Variants in LARP1B observed in about 807,000 individuals in gnomAD.
LARP1B encodes la-related protein 1B.
A neutral mutation model predicts 114.2 loss-of-function variants in LARP1B; 76 were observed. That is an observed-to-expected ratio of 0.67 (90% CI 0.55 to 0.81). The LOEUF is 0.81. LARP1B is among the 30% of genes least tolerant of loss of function. LARP1B has a pLI of 0.00. For synonymous variants in LARP1B, 345 were observed against 348.0 expected, an observed-to-expected ratio of 0.99 and a Z score of 0.10; for missense variants, 1,014 against 1,075.8, an observed-to-expected ratio of 0.94 and a Z score of 0.80.
intron 1 of LARP1B, among the ~76,000 whole-genome samples, chr4:128,067,710 C>CTTTTTTTT (rs66709998): frequency 6.9e-6 from 1 of 145,110 alleles, no homozygotes; most frequent in Non-Finnish European, 1.5e-5. Context: ...TGGATACCTC[C>CTTTTTTTT]TTTTTTTTTT....
intron 11 of LARP1B, chr4:128,155,570 C>G (rs1314059881): frequency 8.4e-6 from 7 of 828,578 alleles, no homozygotes; most frequent in African/African-American, 3.3e-5. Flanking sequence ...TTTCTGGGGC[C>G]CAGCAGTTGC....
chr4:128,130,283 A>C (rs1280570793), intron 11 of LARP1B, among the ~76,000 whole-genome samples: 1 of 152,214 alleles, frequency 6.6e-6, no homozygotes, highest in Non-Finnish European at 1.5e-5. Flanking sequence ...AAATATACAA[A>C]GAACTATTAA....
intron 8 of LARP1B, among the ~76,000 whole-genome samples, chr4:128,099,997 C>T (rs1779707150): frequency 6.6e-6 from 1 of 151,410 alleles, no homozygotes; most frequent in Non-Finnish European, 1.5e-5. Flanking sequence ...TCTTGTTGCC[C>T]AGGCTGGAGT....
chr4:128,147,415 A>T (rs566485110), intron 11 of LARP1B, among the ~76,000 whole-genome samples: 1 of 152,320 alleles, frequency 6.6e-6, no homozygotes, highest in Admixed American at 6.5e-5. Context: ...TGCCTTGATT[A>T]TTAGGCAATA....
Position 128,110,676 on chromosome 4 carries a change from CAAA to C in LARP1B, c.988+3378_988+3380del, listed in dbSNP as rs544129662. Reference sequence around the variant, plus strand: ...TGGGCGACAGAGCGAGACTCCGTCTCAAAAAAAAAAAAAAAAAGATGCAGCAGA... The same window carrying C: ...TGGGCGACAGAGCGAGACTCCGTCTCAAAAAAAAAAAAAAGATGCAGCAGA... On this transcript the variant is annotated intron_variant, in intron 9 of 19. Transcript: ENST00000326639. Among the ~76,000 whole-genome samples the C allele has an allele frequency of 2.7e-3, 88 of 32,430 alleles. 11 individuals are homozygous for C. The highest frequency in any genetic ancestry group is 4.4e-3 in the South Asian group (2 of 456). 21.3% of individuals were successfully genotyped at this position (32,430 alleles called of 152,430 possible). A position where few individuals can be genotyped will look rare whatever the true frequency, so the allele number is the denominator to read the frequency against.
chr4:128,142,593 C>T (rs1364525321), intron 11 of LARP1B, among the ~76,000 whole-genome samples: 7 of 151,572 alleles, frequency 4.6e-5, no homozygotes, highest in Non-Finnish European at 7.4e-5. Flanking sequence ...ACTGCAGCCT[C>T]TGCCTCCCGG....
chr4:128,096,728 G>A (rs988788894), intron 7 of LARP1B, among the ~76,000 whole-genome samples: 1 of 151,744 alleles, frequency 6.6e-6, no homozygotes, highest in African/African-American at 2.4e-5. Flanking sequence ...AACCTCCCGA[G>A]TAGCTGGGAC....
intron 1 of LARP1B, chr4:128,069,162 T>G: frequency 9.1e-7 from 1 of 1,101,712 alleles, no homozygotes; most frequent in Admixed American, 1.7e-5. Context: ...CCTATGCTTG[T>G]GGACTGGTTT....
At chr4:128,158,227 C>CCTTTCGT (rs1330290991) in intron 11 of LARP1B, among the ~76,000 whole-genome samples, 2 of 152,046 alleles carry the variant, frequency 1.3e-5, no homozygotes, top group African/African-American at 2.4e-5. Context: ...GTAACACACA[C>CCTTTCGT]CTTTCGTATA....
chr4:128,065,262 T>TTTCTTTCC (rs1762045735), intron 1 of LARP1B, among the ~76,000 whole-genome samples: 1 of 68,992 alleles, frequency 1.4e-5, no homozygotes, highest in African/African-American at 4.6e-5. Context: ...AATTTCTTTC[T>TTTCTTTCC]TTCTTTCTTT....
intron 7 of LARP1B, among the ~76,000 whole-genome samples, chr4:128,094,926 T>C (rs763040834): frequency 5.9e-5 from 9 of 152,004 alleles, no homozygotes; most frequent in Non-Finnish European, 1.0e-4. Context: ...TAATTTTGTA[T>C]TTTTAGTAAA....
At chr4:128,181,398 C>G (rs7693135) in intron 15 of LARP1B, among the ~76,000 whole-genome samples, 97,615 of 151,724 alleles carry the variant, frequency 0.64, 31,734 homozygotes, top group Middle Eastern at 0.81. Flanking sequence ...GGCTGGTCTC[C>G]AACTGCTGAC....
At chr4:128,156,376 A>T (rs564206962) in intron 11 of LARP1B, among the ~76,000 whole-genome samples, 4 of 152,196 alleles carry the variant, frequency 2.6e-5, no homozygotes, top group Admixed American at 1.3e-4. Context: ...GCTTGGGGCC[A>T]CCAAAGCTGC....
At chr4:128,126,981 A>G (rs1193835091) in intron 11 of LARP1B, among the ~76,000 whole-genome samples, 1 of 152,108 alleles carries the variant, frequency 6.6e-6, no homozygotes, top group Non-Finnish European at 1.5e-5. Flanking sequence ...GAGGTGTCAG[A>G]GTTTAGCCAG....
At position 128,073,590 on chromosome 4, in the gene LARP1B, T is replaced by TG. The variant is rs1561057042; in HGVS notation, c.-77-870_-77-869insG. Among the ~76,000 whole-genome samples the TG allele has an allele frequency of 2.2e-3, 101 of 46,488 alleles. 1 individual carries two copies. The highest frequency in any genetic ancestry group is 4.6e-3 in the African/African-American group (63 of 13,662). The allele number at this position is 46,488 out of a possible 152,430, so 30.5% of individuals were successfully genotyped here. On this transcript the variant is annotated intron_variant, in intron 1 of 19. Transcript: ENST00000326639. ...TGTTGTCGTTTTTTTTTTTTTTTTT[T>TG]TTTTTTTTTTTTTTTTTTTGGACAG...
chr4:128,176,540 C>T lies in LARP1B; in HGVS notation c.1649-332C>T, dbSNP rs183070141. Reference sequence around the variant, plus strand: ...AGCTGCTGACCTCATGTGATCTACCCGCCTCGGCCTCCCAAAGTGCTGGGA... The same window carrying T: ...AGCTGCTGACCTCATGTGATCTACCTGCCTCGGCCTCCCAAAGTGCTGGGA... On this transcript the variant is annotated intron_variant, in intron 12 of 19. Transcript: ENST00000326639. 2.0e-4 allele frequency among the ~76,000 whole-genome samples: 30 copies of T among 152,010 alleles called. No homozygotes were observed. The East Asian group carries it at 5.0e-3, about 26-fold the overall frequency.
rs537159948 is a variant in LARP1B, at chr4:128,137,151, A to T, written c.1524+14963A>T. 2.6e-5 allele frequency among the ~76,000 whole-genome samples: 4 copies of T among 152,118 alleles called. No individual in the cohort carries two copies. In the East Asian group the frequency reaches 7.7e-4, roughly 29 times the overall value. On this transcript the variant is annotated intron_variant, in intron 11 of 19. Transcript: ENST00000326639. ...ATATTATCTTGACTTTAATTAAAAA[A>T]ACTCCCCCGACAGGTTGCAGTGAGC...
At chr4:128,067,893 T>C (rs918685314) in intron 1 of LARP1B, among the ~76,000 whole-genome samples, 2 of 151,970 alleles carry the variant, frequency 1.3e-5, no homozygotes, top group African/African-American at 4.8e-5. Flanking sequence ...TTTTTGTTTT[T>C]GTTTTGAGAT....
intron 15 of LARP1B, among the ~76,000 whole-genome samples, chr4:128,183,432 G>T (rs562286602): frequency 6.6e-6 from 1 of 152,266 alleles, no homozygotes; most frequent in South Asian, 2.1e-4. Context: ...AAGTCTATGT[G>T]ACAGCACATC....
Sources: allele counts gnomAD v4.1 joint callset (sites outside exome capture counted in the v4.1 genomes callset), GRCh38; gene constraint gnomAD v4.1.1; transcripts MANE v1.5; gene names NCBI Gene and HGNC (gene_info 2026-07-23, HGNC 2026-07-21).